The following GNAQ variants were observed in gnomAD, a reference collection of about 807,000 sequenced individuals.
GNAQ encodes the protein guanine nucleotide-binding protein G(q) subunit alpha.
In GNAQ, 8 loss-of-function variants were observed where a neutral mutation model predicts 43.9. That is an observed-to-expected ratio of 0.18 (90% CI 0.11 to 0.33). The LOEUF is 0.33. Ranked by LOEUF, GNAQ falls within the 10% of genes least tolerant of loss-of-function variation. The pLI is 1.00. For missense variants in GNAQ, 158 were observed against 450.8 expected, an observed-to-expected ratio of 0.35 and a Z score of 5.88; for synonymous variants, 155 against 170.7, an observed-to-expected ratio of 0.91 and a Z score of 0.71.
chr9:77,863,216 A>AAGGAAGGAAGGGAGGG lies in GNAQ; in HGVS notation c.322-47447_322-47446insCCCTCCCTTCCTTCCT, dbSNP rs1281288103. On this transcript the variant is annotated intron_variant, in intron 2 of 6. Coordinates refer to ENST00000286548, the MANE Select transcript of GNAQ (RefSeq NM_002072.5). Reference sequence around the variant, plus strand: ...GAAGGAAGGAAGGAAGGAAGGAAGGAAGGGAGGAAGGAAGAAAGGAAGGAA... The same window carrying AAGGAAGGAAGGGAGGG: ...GAAGGAAGGAAGGAAGGAAGGAAGGAAGGAAGGAAGGGAGGGAGGGAGGAAGGAAGAAAGGAAGGAA... Among the ~76,000 whole-genome samples the AAGGAAGGAAGGGAGGG allele has an allele frequency of 1.1e-3, 162 of 149,054 alleles. 2 individuals are homozygous for AAGGAAGGAAGGGAGGG. Among genetic ancestry groups the AAGGAAGGAAGGGAGGG allele is most frequent in the African/African-American group, 3.7e-3 (147 of 39,354 alleles).
At chr9:77,900,926 C>T (rs1828598916) in intron 2 of GNAQ, among the ~76,000 whole-genome samples, 1 of 152,126 alleles carries the variant, frequency 6.6e-6, no homozygotes, top group Non-Finnish European at 1.5e-5. Context: ...TTTTATATTG[C>T]TTGTATACTG....
intron 1 of GNAQ, among the ~76,000 whole-genome samples, chr9:77,962,787 G>T (rs547874739): frequency 1.7e-4 from 26 of 151,488 alleles, no homozygotes; most frequent in African/African-American, 5.8e-4. Context: ...AGCTACTCGG[G>T]AGGCTGAGGC....
At chr9:77,737,972 T>C (rs758410745) in intron 5 of GNAQ, among the ~76,000 whole-genome samples, 3 of 152,154 alleles carry the variant, frequency 2.0e-5, no homozygotes, top group Non-Finnish European at 4.4e-5. Context: ...CTGTAGACAG[T>C]AGTGACTCTT....
At chr9:77,965,692 T>TA (rs1823157641) in intron 1 of GNAQ, among the ~76,000 whole-genome samples, 1 of 152,146 alleles carries the variant, frequency 6.6e-6, no homozygotes, top group African/African-American at 2.4e-5. Flanking sequence ...AGACTGACTA[T>TA]ACCAAGTGCT....
rs185699718 is a variant in GNAQ at position 77,853,384 on chromosome 9, G to A, written c.322-37614C>T. Among the ~76,000 whole-genome samples the A allele has an allele frequency of 8.1e-4, 124 of 152,250 alleles. 1 individual carries two copies. The highest frequency in any genetic ancestry group is 1.4e-3 in the Non-Finnish European group (98 of 68,014). On this transcript the variant is annotated intron_variant, in intron 2 of 6. Coordinates refer to ENST00000286548, the MANE Select transcript of GNAQ (RefSeq NM_002072.5). ...ATATAAATAGTAGTAACAGGGCCTA[G>A]TACAAGGCAAATGGTTAATATACCT...
At chr9:77,972,742 G>A (rs1045402502) in intron 1 of GNAQ, among the ~76,000 whole-genome samples, 4 of 151,824 alleles carry the variant, frequency 2.6e-5, no homozygotes, top group African/African-American at 9.7e-5. Context: ...TCGATCACCT[G>A]AGGAGTTCGA....
Position 77,719,045 on chromosome 9 carries a change from A to G in GNAQ, c.*2278T>C. On this transcript the variant is annotated 3_prime_UTR_variant, in exon 7 of 7. Transcript: ENST00000286548. Reference sequence around the variant, plus strand: ...ATTACCTTTGGGTCTTATAATCAGTATACCTCTACTCAGGAATGTGCAAAT... The same window carrying G: ...ATTACCTTTGGGTCTTATAATCAGTGTACCTCTACTCAGGAATGTGCAAAT... The G allele has an allele frequency of 4.3e-6, 1 of 231,934 alleles. No homozygotes were observed. The highest frequency in any genetic ancestry group is 6.1e-5 in the East Asian group (1 of 16,420). The allele number at this position is 231,934 out of a possible 1,614,324, so 14.4% of individuals were successfully genotyped here.
chr9:77,891,424 T>C (rs977696965), intron 2 of GNAQ, among the ~76,000 whole-genome samples: 1 of 152,256 alleles, frequency 6.6e-6, no homozygotes, highest in Non-Finnish European at 1.5e-5. Context: ...GAAATGGTTA[T>C]TTTAATTTTA....
chr9:78,020,728 G>A (rs1010218053), intron 1 of GNAQ, among the ~76,000 whole-genome samples: 1 of 152,056 alleles, frequency 6.6e-6, no homozygotes, highest in Non-Finnish European at 1.5e-5. Context: ...ACCCCTATTG[G>A]CAACAACACC....
intron 1 of GNAQ, among the ~76,000 whole-genome samples, chr9:78,029,763 TAAGA>T (rs1824026612): frequency 1.3e-5 from 2 of 152,252 alleles, no homozygotes; most frequent in South Asian, 4.2e-4. Flanking sequence ...ATGCTCAAGA[TAAGA>T]AAGAAAATGC....
intron 2 of GNAQ, among the ~76,000 whole-genome samples, chr9:77,862,846 TA>T (rs1474292664): frequency 3.9e-5 from 6 of 152,328 alleles, no homozygotes; most frequent in African/African-American, 1.4e-4. Context: ...TGAATGCCTT[TA>T]ACAGGACCCA....
At chr9:77,870,475 G>C (rs761104053) in intron 2 of GNAQ, among the ~76,000 whole-genome samples, 1 of 151,788 alleles carries the variant, frequency 6.6e-6, no homozygotes, top group Non-Finnish European at 1.5e-5. Context: ...ACAGGCGCCT[G>C]CCAAGGCGCC....
intron 2 of GNAQ, among the ~76,000 whole-genome samples, chr9:77,887,776 A>G (rs1828334719): frequency 6.6e-6 from 1 of 152,222 alleles, no homozygotes; most frequent in South Asian, 2.1e-4. Context: ...CACATGCTAC[A>G]TATAACATGT....
intron 2 of GNAQ, among the ~76,000 whole-genome samples, chr9:77,825,472 G>A (rs1381299626): frequency 1.3e-5 from 2 of 152,122 alleles, no homozygotes; most frequent in East Asian, 3.9e-4. Flanking sequence ...TCAAGCAGAC[G>A]GTAAAGGCAG....
intron 2 of GNAQ, among the ~76,000 whole-genome samples, chr9:77,865,806 T>G (rs528994569): frequency 1.3e-5 from 2 of 152,360 alleles, no homozygotes; most frequent in African/African-American, 4.8e-5. Flanking sequence ...AAGTACTGAG[T>G]TGGCAAGTGC....
At chr9:77,860,681 C>T (rs897029763) in intron 2 of GNAQ, among the ~76,000 whole-genome samples, 7 of 152,142 alleles carry the variant, frequency 4.6e-5, no homozygotes, top group African/African-American at 1.2e-4. Context: ...CTAGTTCGCC[C>T]GCAGCTCACT....
intron 1 of GNAQ, among the ~76,000 whole-genome samples, chr9:78,023,138 A>G (rs2118610268): frequency 6.6e-6 from 1 of 152,312 alleles, no homozygotes; most frequent in South Asian, 2.1e-4. Flanking sequence ...TCATGAACCA[A>G]TCTCAAGTCC....
chr9:77,869,954 T>C lies in GNAQ; in HGVS notation c.321+52207A>G, dbSNP rs182977882. On this transcript the variant is annotated intron_variant, in intron 2 of 6. Coordinates refer to ENST00000286548, the MANE Select transcript of GNAQ (RefSeq NM_002072.5). ...AAAATTCATAATGTTTATATCTACA[T>C]GTGTATAGACATAGATTCTCTTCTA... 5.3e-5 allele frequency among the ~76,000 whole-genome samples: 8 copies of C among 152,372 alleles called. No individual in the cohort carries two copies. In the East Asian group the frequency reaches 1.3e-3, roughly 26 times the overall value.
chr9:77,982,533 A>G lies in GNAQ; in HGVS notation c.136+48567T>C, dbSNP rs575855986. Among the ~76,000 whole-genome samples, 143 of 152,244 alleles carry G rather than the reference A, an allele frequency of 9.4e-4. 4 individuals carry two copies. In the South Asian group the frequency reaches 0.028, roughly 30 times the overall value. On this transcript the variant is annotated intron_variant, in intron 1 of 6. Transcript: ENST00000286548. The stretch of plus-strand genomic sequence containing the variant: ...TGGGGGACGGGGAGACCACCATTCT[A>G]TCTTAGAAGTATGATACAAACAAAC...
Sources: gnomAD v4.1 joint callset for allele counts (sites outside exome capture counted in the v4.1 genomes callset) on GRCh38, gnomAD v4.1.1 for gene constraint, MANE v1.5 for transcripts, NCBI Gene and HGNC (gene_info 2026-07-23, HGNC 2026-07-21) for gene names.